DNAH6: variants seen among roughly 807,000 people sequenced by gnomAD.
DNAH6 encodes the protein axonemal beta dynein heavy chain 6.
Under a neutral mutation model 491.4 loss-of-function variants are expected in DNAH6, and 340 were observed. That is an observed-to-expected ratio of 0.69 (90% CI 0.63 to 0.76). DNAH6 has a LOEUF of 0.76. DNAH6 is among the 30% of genes least tolerant of loss of function. The probability of loss-of-function intolerance (pLI) is 0.00; values close to 1 mark genes in which losing one functional copy is unlikely to be tolerated. For missense variants in DNAH6, 4,443 were observed against 4,972.2 expected, an observed-to-expected ratio of 0.89 and a Z score of 3.20; for synonymous variants, 1,603 against 1,686.1, an observed-to-expected ratio of 0.95 and a Z score of 1.21.
chr2:84,552,777 TTC>T (rs1572994821), intron 9 of DNAH6, 139 bp from the exon 10 acceptor site: 3 of 461,808 alleles, frequency 6.5e-6, no homozygotes. Flanking sequence ...TTCTTTATTA[TTC>T]TCTGAAACAC....
intron 72 of DNAH6, among the ~76,000 whole-genome samples, chr2:84,809,215 GA>G (rs1276642673): frequency 1.3e-5 from 2 of 152,194 alleles, no homozygotes; most frequent in Non-Finnish European, 2.9e-5. Context: ...AAGAGAAAAA[GA>G]ATAACTATTA....
At chr2:84,613,471 C>T (rs752882903) in intron 22 of DNAH6, among the ~76,000 whole-genome samples, 6 of 152,016 alleles carry the variant, frequency 3.9e-5, no homozygotes, top group Non-Finnish European at 8.8e-5. Flanking sequence ...ATCAAGACTG[C>T]GGATTTGATT....
In DNAH6 at chr2:84,637,323, A is replaced by T. The variant is rs1424990261; in HGVS notation, c.4767A>T (p.Lys1589Asn). 6.4e-6 allele frequency: 10 copies of T among 1,551,120 alleles called. No individual in the cohort carries two copies. Among genetic ancestry groups the T allele is most frequent in the Non-Finnish European group, 8.7e-6 (10 of 1,146,702 alleles). Residue 1589 changes from lysine (K) to asparagine (N), a missense_variant, in exon 31 of 77, where the codon AAA (lysine) becomes AAT (asparagine). Around this residue, in one of 3 missense-constraint regions of DNAH6, gnomAD observed 2,977 missense variants for 3,296.6 expected, o/e 0.90. Coordinates refer to ENST00000389394, the MANE Select transcript of DNAH6 (RefSeq NM_001370.2). The part of the protein sequence containing the change: ...AGRTELPDNL[K>N]ALFRPFAMMV... ...GAACTGAATTGCCAGATAATTTGAAAGCCCTGTTTAGACCATTTGCGATGA... is the reference window on the plus strand; with the variant it reads ...GAACTGAATTGCCAGATAATTTGAATGCCCTGTTTAGACCATTTGCGATGA...
In DNAH6 at chr2:84,539,980, A is replaced by G. The variant is rs150969119; in HGVS notation, c.663-4253A>G. On this transcript the variant is annotated intron_variant, in intron 4 of 76. Transcript: ENST00000389394. ...AAATGCAGAACTCAGGAAGTGGCCT[A>G]TTTCTTCCCAAGCACTTGCTTGCTT... Among the ~76,000 whole-genome samples, 179 of 152,232 alleles carry G rather than the reference A, an allele frequency of 1.2e-3. 1 individual carries two copies. Among genetic ancestry groups the G allele is most frequent in the African/African-American group, 4.0e-3 (167 of 41,554 alleles).
chr2:84,517,976 C>G lies in DNAH6; in HGVS notation c.150C>G (p.Ile50Met), dbSNP rs1675754799. The G allele has an allele frequency of 1.3e-6, 2 of 1,551,956 alleles. No homozygotes were observed. Among genetic ancestry groups the G allele is most frequent in the Middle Eastern group, 1.7e-4 (1 of 5,998 alleles). Reference protein sequence around the residue: ...TSTENESDTQILTFRHITKAQ... With the variant: ...TSTENESDTQMLTFRHITKAQ... ...CAGAAAATGAATCTGATACACAAATCCTAACGTTTAGGCACATTACAAAAG... is the reference window on the plus strand; with the variant it reads ...CAGAAAATGAATCTGATACACAAATGCTAACGTTTAGGCACATTACAAAAG... The change falls in exon 2 of 77, where the codon ATC becomes ATG. Residue 50 changes from isoleucine to methionine, a missense_variant. This residue lies in a region of DNAH6 where 2,977 missense variants were observed against 3,296.6 expected (regional missense o/e 0.90). Transcript: ENST00000389394.
At chr2:84,574,224 A>G (rs998647624) in intron 12 of DNAH6, among the ~76,000 whole-genome samples, 1 of 152,050 alleles carries the variant, frequency 6.6e-6, no homozygotes, top group African/African-American at 2.4e-5. Context: ...TCTTATATAT[A>G]AATATAATTA....
In DNAH6 at chr2:84,583,985, A is replaced by C; in HGVS notation, c.2230-14A>C. The C allele has an allele frequency of 6.2e-7, 1 of 1,611,476 alleles. No homozygotes were observed. Reference sequence around the variant, plus strand: ...TTCTGCTACATTTAATGAGCAAACTATGTTTCCATTTAGATTGAAAGCCTT... The same window carrying C: ...TTCTGCTACATTTAATGAGCAAACTCTGTTTCCATTTAGATTGAAAGCCTT... On this transcript the variant is annotated splice_polypyrimidine_tract_variant and intron_variant, in intron 14 of 76. Coordinates refer to ENST00000389394, the MANE Select transcript of DNAH6 (RefSeq NM_001370.2).
At chr2:84,505,246 T>G in the DNAH6 span, among the ~76,000 whole-genome samples, 1 of 152,198 alleles carries the variant, frequency 6.6e-6, no homozygotes, top group Admixed American at 6.5e-5. Flanking sequence ...TCTAATCATA[T>G]TTTGTCAATT....
In DNAH6 at chr2:84,675,996, C is replaced by T. The variant is rs556786382; in HGVS notation, c.6613-1009C>T. ...CCTTCCCACTAAAGCTGCTTTAAGA[C>T]GGAATAGGTGGCATGTTCTCTCCAT... On this transcript the variant is annotated intron_variant, in intron 40 of 76. Transcript: ENST00000389394. Among the ~76,000 whole-genome samples the T allele has an allele frequency of 1.2e-4, 19 of 152,292 alleles. No individual in the cohort carries two copies. The South Asian group carries it at 2.9e-3, about 23-fold the overall frequency.
At position 84,812,489 on chromosome 2, in the gene DNAH6, G is replaced by A. The variant is rs1318674582; in HGVS notation, c.11888G>A (p.Trp3963Ter). 2 of 1,551,604 alleles carry A rather than the reference G, an allele frequency of 1.3e-6. No individual in the cohort carries two copies. Among genetic ancestry groups the A allele is most frequent in the Non-Finnish European group, 8.7e-7 (1 of 1,147,020 alleles). The change falls in exon 73 of 77, where the codon TGG becomes TAG. Residue 3963 changes from tryptophan (W) to a stop codon, truncating the protein, a stop_gained. Transcript: ENST00000389394. LOFTEE classifies it high-confidence loss of function. Reference sequence around the variant, plus strand: ...CCATCCCTGAAGCCACTAGGATCATGGGTCAAAGACCTTATCCTGAGGACC... The same window carrying A: ...CCATCCCTGAAGCCACTAGGATCATAGGTCAAAGACCTTATCCTGAGGACC... Reference protein sequence around the residue: ...AYPSLKPLGSWVKDLILRTSF... With the variant: ...AYPSLKPLGS
At chr2:84,617,849 G>C (rs1446111612) in intron 23 of DNAH6, among the ~76,000 whole-genome samples, 2 of 151,944 alleles carry the variant, frequency 1.3e-5, no homozygotes, top group Non-Finnish European at 2.9e-5. Context: ...CCTTTCTCGT[G>C]GGCATAGCGA....
intron 42 of DNAH6, among the ~76,000 whole-genome samples, chr2:84,684,648 ACT>A (rs1269489740): frequency 6.6e-6 from 1 of 151,988 alleles, no homozygotes; most frequent in Non-Finnish European, 1.5e-5. Context: ...TGTGGTACCC[ACT>A]CTCTGCTGTG....
intron 9 of DNAH6, 132 bp downstream of exon 9, chr2:84,550,189 C>T (rs571157562): frequency 2.3e-5 from 16 of 705,492 alleles, no homozygotes; most frequent in East Asian, 2.0e-4. Flanking sequence ...CGGCCCCCAA[C>T]ATTTTGGACA....
intron 2 of DNAH6, among the ~76,000 whole-genome samples, chr2:84,522,140 CTG>C (rs999328142): frequency 2.0e-5 from 3 of 151,982 alleles, no homozygotes; most frequent in African/African-American, 7.2e-5. Context: ...TGTGTCATCT[CTG>C]ATTCCTTTGA....
the DNAH6 span, among the ~76,000 whole-genome samples, chr2:84,485,051 A>G: frequency 2.0e-4 from 31 of 152,236 alleles, no homozygotes; most frequent in African/African-American, 7.5e-4. Context: ...AGGCCAAGGC[A>G]CAAGAAGCAG....
chr2:84,697,679 C>T lies in DNAH6; in HGVS notation c.7629C>T (p.Thr2543=). ...AACTGGAGCAGGTTTTAGCGGCCAC[C>T]AGACCAAGAGCAAAAGAAGTAGGAA... The part of the protein sequence containing the change: ...KDELEQVLAA[T]RPRAKEVGIS... Residue 2543 remains threonine (T), a synonymous_variant, in exon 47 of 77, where the codon ACC becomes ACT. Transcript: ENST00000389394. 6.4e-7 allele frequency: 1 copy of T among 1,551,840 alleles called. No individual in the cohort carries two copies. The highest frequency in any genetic ancestry group is 1.2e-5 in the South Asian group (1 of 84,040).
chr2:84,695,236 A>G (rs6731301), intron 46 of DNAH6, among the ~76,000 whole-genome samples: 9,954 of 152,182 alleles, frequency 0.065, 1,054 homozygotes, highest in African/African-American at 0.22. Flanking sequence ...GTTCCAGAAA[A>G]CAAAGGGCTT....
intron 45 of DNAH6, among the ~76,000 whole-genome samples, chr2:84,691,736 G>T (rs1466999946): frequency 6.8e-6 from 1 of 146,648 alleles, no homozygotes; most frequent in Non-Finnish European, 1.5e-5. Context: ...ATTAATATTT[G>T]AATTTCAAAG....
rs571905305 is a variant in DNAH6, at chr2:84,625,069, G to T, written c.4515+6G>T. On this transcript the variant is annotated splice_donor_region_variant and intron_variant, in intron 29 of 76. Coordinates refer to ENST00000389394, the MANE Select transcript of DNAH6 (RefSeq NM_001370.2). The stretch of plus-strand genomic sequence containing the variant: ...CAGATGGTTTGGACTACAAGGTACA[G>T]TTCTTGCATCTGAATATTAACATTA... 1.2e-4 allele frequency: 185 copies of T among 1,511,428 alleles called. 1 individual carries two copies. The East Asian group carries it at 3.1e-3, about 25-fold the overall frequency. 93.6% of individuals were successfully genotyped at this position (1,511,428 alleles called of 1,614,324 possible).
Sources: gnomAD v4.1 joint callset for allele counts (sites outside exome capture counted in the v4.1 genomes callset) on GRCh38, gnomAD v4.1.1 for gene constraint, gnomAD v4.1.1 regional missense constraint, MANE v1.5 for transcripts, NCBI Gene and HGNC (gene_info 2026-07-23, HGNC 2026-07-21) for gene names.